Variants in MAGI1 observed in about 807,000 individuals in gnomAD.
MAGI1 encodes the protein membrane associated guanylate kinase, WW and PDZ domain containing 1.
A neutral mutation model predicts 139.9 loss-of-function variants in MAGI1; 58 were observed. That is an observed-to-expected ratio of 0.41 (90% confidence interval 0.34 to 0.52). MAGI1 has a LOEUF of 0.52. MAGI1 is among the 20% of genes least tolerant of loss of function. The pLI is 0.12. For synonymous variants in MAGI1, 812 were observed against 737.9 expected (o/e 1.10, Z -1.63); for missense variants, 1,874 against 1,901.6 (o/e 0.99, Z 0.27).
At chr3:65,792,900 C>G (rs143089339) in intron 1 of MAGI1, among the ~76,000 whole-genome samples, 2 of 152,216 alleles carry the variant, frequency 1.3e-5, no homozygotes, top group East Asian at 3.9e-4. Context: ...GCAGGCGCTA[C>G]TATAAATCAC....
intron 2 of MAGI1, among the ~76,000 whole-genome samples, chr3:65,589,008 G>A (rs966957615): frequency 5.3e-5 from 8 of 152,168 alleles, no homozygotes; most frequent in Admixed American, 5.2e-4. Flanking sequence ...AGAAATGTTA[G>A]CTTAAGAAGA....
chr3:65,567,631 GT>G (rs1382715629), intron 2 of MAGI1, among the ~76,000 whole-genome samples: 1 of 152,108 alleles, frequency 6.6e-6, no homozygotes, highest in African/African-American at 2.4e-5. Context: ...GAGGTCAGGA[GT>G]TCAAGACCAG....
intron 1 of MAGI1, among the ~76,000 whole-genome samples, chr3:65,712,591 C>T (rs545601871): frequency 1.2e-4 from 19 of 152,176 alleles, no homozygotes; most frequent in African/African-American, 4.3e-4. Context: ...CAGCTCACTA[C>T]AACCTCTGCC....
chr3:65,470,236 G>A (rs755736856), intron 5 of MAGI1, 47 bp downstream of exon 5: 11 of 1,375,324 alleles, frequency 8.0e-6, no homozygotes, highest in Non-Finnish European at 1.1e-5. Context: ...GGAAGGAAGG[G>A]AAAAGAAAGA....
intron 2 of MAGI1, among the ~76,000 whole-genome samples, chr3:65,545,986 A>ACACACACG (rs915392419): frequency 3.5e-5 from 5 of 143,394 alleles, no homozygotes; most frequent in African/African-American, 1.3e-4. Flanking sequence ...ACACACACAC[A>ACACACACG]CACACACGCA....
intron 1 of MAGI1, among the ~76,000 whole-genome samples, chr3:65,781,058 T>C (rs35501778): frequency 0.24 from 36,052 of 151,936 alleles, 4,892 homozygotes; most frequent in Non-Finnish European, 0.33. Context: ...TAGCCAGGCG[T>C]TGTGGCTCAT....
At chr3:65,761,389 T>C (rs985628190) in intron 1 of MAGI1, among the ~76,000 whole-genome samples, 1 of 152,186 alleles carries the variant, frequency 6.6e-6, no homozygotes, top group African/African-American at 2.4e-5. Flanking sequence ...TAGACATTTT[T>C]ATAAAGGATA....
intron 2 of MAGI1, among the ~76,000 whole-genome samples, chr3:65,546,210 C>T (rs554442391): frequency 4.6e-5 from 7 of 152,252 alleles, no homozygotes; most frequent in Admixed American, 3.3e-4. Context: ...CCTTCATTTA[C>T]TTGTCATTCA....
At chr3:65,677,939 T>C (rs149389645) in intron 1 of MAGI1, among the ~76,000 whole-genome samples, 223 of 152,316 alleles carry the variant, frequency 1.5e-3, no homozygotes, top group African/African-American at 4.9e-3. Context: ...CCATCAGTGA[T>C]AGACTGGATA....
At chr3:65,794,167 T>C (rs1185924968) in intron 1 of MAGI1, among the ~76,000 whole-genome samples, 2 of 152,066 alleles carry the variant, frequency 1.3e-5, no homozygotes, top group Non-Finnish European at 2.9e-5. Context: ...CCATTTTCCT[T>C]CTCGTAAAAG....
At position 65,624,568 on chromosome 3, in the gene MAGI1, A is replaced by G. The variant is rs1383733424; in HGVS notation, c.314-2480T>C. Among the ~76,000 whole-genome samples, 7 of 152,350 alleles carry G rather than the reference A, an allele frequency of 4.6e-5. No homozygotes were observed. In the East Asian group the frequency reaches 1.3e-3, roughly 29 times the overall value. ...ATTCATATAGAAAGTTTTGGGATGG[A>G]CTAAAAAATTTTGGAACGGACTAAT... On this transcript the variant is annotated intron_variant, in intron 1 of 22. Coordinates refer to ENST00000402939, the MANE Select transcript of MAGI1 (RefSeq NM_001033057.2).
intron 1 of MAGI1, among the ~76,000 whole-genome samples, chr3:66,035,372 A>G (rs2068859075): frequency 6.6e-6 from 1 of 152,340 alleles, no homozygotes; most frequent in Admixed American, 6.5e-5. Flanking sequence ...ACAACACAAA[A>G]GTAGTATTTT....
intron 1 of MAGI1, among the ~76,000 whole-genome samples, chr3:65,835,914 T>C (rs2042777966): frequency 6.6e-6 from 1 of 152,186 alleles, no homozygotes; most frequent in African/African-American, 2.4e-5. Flanking sequence ...ACCTTGTTTA[T>C]TCCTGTTTTA....
rs199890075 is a variant in MAGI1, at chr3:65,847,380, G to GT, written c.313+190615dup. Among the ~76,000 whole-genome samples the GT allele has an allele frequency of 5.9e-5, 9 of 151,976 alleles. No homozygotes were observed. In the East Asian group the frequency reaches 1.4e-3, roughly 23 times the overall value. ...CTTTTCTGGCCGGCACCACCTGGTG[G>GT]TTTTTTTTCCTCTAAAATCTAAGTC... On this transcript the variant is annotated intron_variant, in intron 1 of 22. Coordinates refer to ENST00000402939, the MANE Select transcript of MAGI1 (RefSeq NM_001033057.2).
In MAGI1 at chr3:65,508,142, G is replaced by A. The variant is rs537797239; in HGVS notation, c.431-14511C>T. Among the ~76,000 whole-genome samples the A allele has an allele frequency of 4.6e-5, 7 of 152,280 alleles. No individual in the cohort carries two copies. In the South Asian group the frequency reaches 1.2e-3, roughly 27 times the overall value. ...AAATCGGCCGGGCGCGGTGGCTCAC[G>A]CCTGTAATCCCAGCACTTTGGGAGG... On this transcript the variant is annotated intron_variant, in intron 2 of 22. Transcript: ENST00000402939.
intron 1 of MAGI1, among the ~76,000 whole-genome samples, chr3:65,968,160 G>C (rs1251522621): frequency 6.6e-6 from 1 of 152,138 alleles, no homozygotes; most frequent in East Asian, 1.9e-4. Flanking sequence ...TTATACAGTT[G>C]GCAAAAGTGA....
chr3:65,849,232 C>G (rs953657791), intron 1 of MAGI1, among the ~76,000 whole-genome samples: 1 of 150,722 alleles, frequency 6.6e-6, no homozygotes, highest in African/African-American at 2.4e-5. Context: ...GCCATGTTGG[C>G]CAGGCTAGTT....
intron 1 of MAGI1, among the ~76,000 whole-genome samples, chr3:65,935,809 A>G (rs901409758): frequency 1.3e-5 from 2 of 152,228 alleles, no homozygotes; most frequent in Admixed American, 1.3e-4. Context: ...TAAGGAAGCC[A>G]GTCTAGCCTA....
Position 65,356,231 on chromosome 3 carries a change from G to T in MAGI1, c.*147C>A. On this transcript the variant is annotated 3_prime_UTR_variant, in exon 23 of 23. Transcript: ENST00000402939. The stretch of plus-strand genomic sequence containing the variant: ...TTTTCATATATATTTTTTCTTATAA[G>T]ATTTCAAATGCATAAAATGTTTGTT... 1 of 722,412 alleles carries T rather than the reference G, an allele frequency of 1.4e-6. No homozygotes were observed. The highest frequency in any genetic ancestry group is 2.1e-6 in the Non-Finnish European group (1 of 468,536). 44.8% of individuals were successfully genotyped at this position (722,412 alleles called of 1,614,324 possible).
Sources: allele counts gnomAD v4.1 joint callset (sites outside exome capture counted in the v4.1 genomes callset), GRCh38; gene constraint gnomAD v4.1.1; transcripts MANE v1.5; gene names NCBI Gene and HGNC (gene_info 2026-07-23, HGNC 2026-07-21).